The following FRMD4B variants were observed in gnomAD, a reference collection of about 807,000 sequenced individuals.
FRMD4B encodes the protein FERM domain containing 4B.
A neutral mutation model predicts 141.5 loss-of-function variants in FRMD4B; 74 were observed. The ratio of observed to expected loss-of-function variants is 0.52; its 90% confidence interval spans 0.43 to 0.63. FRMD4B has a LOEUF of 0.63. FRMD4B is among the 30% of genes least tolerant of loss of function. The probability of loss-of-function intolerance (pLI) is 0.00; values close to 1 mark genes in which losing one functional copy is unlikely to be tolerated. For missense variants in FRMD4B, 1,366 were observed against 1,253.4 expected (o/e 1.09, Z -1.36); for synonymous variants, 506 against 467.9 (o/e 1.08, Z -1.05).
intron 4 of FRMD4B, among the ~76,000 whole-genome samples, chr3:69,288,169 A>G (rs1700754075): frequency 6.6e-6 from 1 of 152,372 alleles, no homozygotes; most frequent in Admixed American, 6.5e-5. Context: ...AATACCTCAG[A>G]CAGCTTCAAA....
chr3:69,348,800 A>C (rs1289326184), intron 1 of FRMD4B, among the ~76,000 whole-genome samples: 4 of 152,124 alleles, frequency 2.6e-5, no homozygotes, highest in Non-Finnish European at 4.4e-5. Flanking sequence ...TATGCTAAAA[A>C]CTCTCAATAA....
chr3:69,523,949 C>G (rs1027257501), intron 1 of FRMD4B, among the ~76,000 whole-genome samples: 1 of 152,228 alleles, frequency 6.6e-6, no homozygotes, highest in Non-Finnish European at 1.5e-5. Context: ...AGACTGTCCA[C>G]TTGATCATCA....
chr3:69,253,118 G>A (rs529449880), intron 5 of FRMD4B, among the ~76,000 whole-genome samples: 42 of 150,750 alleles, frequency 2.8e-4, no homozygotes, highest in Non-Finnish European at 5.6e-4. Context: ...TGATTACCAA[G>A]TAGGAGAACA....
intron 2 of FRMD4B, among the ~76,000 whole-genome samples, chr3:69,396,419 C>T (rs774581681): frequency 6.6e-6 from 1 of 151,882 alleles, no homozygotes; most frequent in Non-Finnish European, 1.5e-5. Context: ...GCAGGAGAAT[C>T]GTTTGAACCC....
At chr3:69,365,463 A>G (rs974746022) in intron 1 of FRMD4B, among the ~76,000 whole-genome samples, 2 of 152,112 alleles carry the variant, frequency 1.3e-5, no homozygotes, top group Non-Finnish European at 1.5e-5. Context: ...GACAAGAATG[A>G]TTCTTATTCA....
At chr3:69,353,820 G>A (rs2107444110) in intron 1 of FRMD4B, 1 of 485,688 alleles carries the variant, frequency 2.1e-6, no homozygotes, top group Non-Finnish European at 2.7e-6. Flanking sequence ...GGGAGAAATG[G>A]GAAAATAAAA....
rs1053944011 is a variant in FRMD4B at position 69,411,561 on chromosome 3, A to G, written c.-1+21073T>C. Among the ~76,000 whole-genome samples the G allele has an allele frequency of 3.3e-5, 5 of 152,246 alleles. 1 individual carries two copies. The South Asian group carries it at 1.0e-3, about 31-fold the overall frequency. On this transcript the variant is annotated intron_variant, in intron 2 of 5. Coordinates refer to the FRMD4B transcript ENST00000459638. The stretch of plus-strand genomic sequence containing the variant: ...CAGGGTAAATCTCTTTGTCAGAAGC[A>G]TGAGGAATCAGAAATGTTCTGTCTC...
At chr3:69,395,693 A>G (rs72937861) in intron 2 of FRMD4B, among the ~76,000 whole-genome samples, 5,479 of 152,262 alleles carry the variant, frequency 0.036, 334 homozygotes, top group African/African-American at 0.12. Flanking sequence ...TTAGGATAGG[A>G]ACATACTGTT....
At chr3:69,492,103 A>G (rs569565858) in intron 1 of FRMD4B, among the ~76,000 whole-genome samples, 3 of 152,310 alleles carry the variant, frequency 2.0e-5, no homozygotes, top group East Asian at 3.9e-4. Context: ...GAACCTGGCA[A>G]TCAAGATTCC....
chr3:69,323,642 A>T, intron 1 of FRMD4B, among the ~76,000 whole-genome samples: 1 of 118,236 alleles, frequency 8.5e-6, no homozygotes, highest in Admixed American at 8.5e-5. Context: ...ATATATATAT[A>T]TATATATATA....
At chr3:69,456,605 G>A (rs537617654) in intron 1 of FRMD4B, among the ~76,000 whole-genome samples, 2 of 152,164 alleles carry the variant, frequency 1.3e-5, no homozygotes, top group South Asian at 4.2e-4. Context: ...GTAAACTCCA[G>A]GAAAGCAGGG....
At chr3:69,381,895 A>G (rs1047945002) in intron 1 of FRMD4B, among the ~76,000 whole-genome samples, 1 of 152,162 alleles carries the variant, frequency 6.6e-6, no homozygotes, top group Admixed American at 6.5e-5. Flanking sequence ...GCCAACCTCA[A>G]TCCTAGGTTC....
At chr3:69,234,147 G>A (rs1472757934) in intron 7 of FRMD4B, among the ~76,000 whole-genome samples, 2 of 151,766 alleles carry the variant, frequency 1.3e-5, no homozygotes, top group African/African-American at 4.8e-5. Context: ...TCAGGAGGCT[G>A]AGGCAGGAGA....
chr3:69,323,652 AT>A (rs1702091817), intron 1 of FRMD4B, among the ~76,000 whole-genome samples: 12 of 128,792 alleles, frequency 9.3e-5, no homozygotes, highest in African/African-American at 3.4e-4. Context: ...ATATATATAT[AT>A]GCGTTTTAAA....
rs757274828 is a variant in FRMD4B at position 69,385,955 on chromosome 3, A to C, written c.35T>G (p.Leu12Arg). 2.0e-4 allele frequency: 327 copies of C among 1,605,140 alleles called. No individual in the cohort carries two copies. Among genetic ancestry groups the C allele is most frequent in the Non-Finnish European group, 2.6e-4 (304 of 1,176,236 alleles). ...TACGAAGCGGCTGCCGCTGAACAGC[A>C]GGTCCTCCACGCCACACATGAACAC... ...ASVFMCGVEDLLFSGSRFVWN... is the reference protein window; with the variant it reads ...ASVFMCGVEDRLFSGSRFVWN... The change falls in exon 1 of 23, where the codon CTG becomes CGG. Residue 12 changes from leucine (L) to arginine (R), a missense_variant. By Grantham distance (102) the Leu-to-Arg change is moderately radical. Coordinates refer to ENST00000398540, the MANE Select transcript of FRMD4B (RefSeq NM_015123.3).
chr3:69,500,008 A>G (rs993917908), intron 1 of FRMD4B, among the ~76,000 whole-genome samples: 2 of 152,242 alleles, frequency 1.3e-5, no homozygotes, highest in African/African-American at 2.4e-5. Context: ...TGGGTTCCAG[A>G]AGGGGATCTG....
rs1312547517 is a variant in FRMD4B at position 69,169,077 on chromosome 3, CCAAA to C, written c.*2780_*2783del. On this transcript the variant is annotated 3_prime_UTR_variant, in exon 23 of 23. Transcript: ENST00000398540. The stretch of plus-strand genomic sequence containing the variant: ...AATTACTATATGCATAGAAAAAAAT[CCAAA>C]CAAATATACAATAAATTAACTATTA... 6.7e-4 allele frequency among the ~76,000 whole-genome samples: 55 copies of C among 81,880 alleles called. 2 individuals carry two copies. The East Asian group carries it at 0.011, about 16-fold the overall frequency. The allele number at this position is 81,880 out of a possible 152,430, so 53.7% of individuals were successfully genotyped here.
intron 11 of FRMD4B, among the ~76,000 whole-genome samples, chr3:69,204,540 A>T (rs988154334): frequency 6.6e-6 from 1 of 152,170 alleles, no homozygotes; most frequent in African/African-American, 2.4e-5. Flanking sequence ...CAAAATCACT[A>T]TATTATTGAT....
At chr3:69,236,207 ATTG>A (rs1459761461) in intron 7 of FRMD4B, among the ~76,000 whole-genome samples, 1 of 149,802 alleles carries the variant, frequency 6.7e-6, no homozygotes, top group Admixed American at 6.6e-5. Context: ...TTAGGGTTTT[ATTG>A]TTGTTGTTAT....
Sources: gnomAD v4.1 joint callset for allele counts (sites outside exome capture counted in the v4.1 genomes callset) on GRCh38, gnomAD v4.1.1 for gene constraint, MANE v1.5 for transcripts, NCBI Gene and HGNC (gene_info 2026-07-23, HGNC 2026-07-21) for gene names.